The following CACNA1H variants were observed in gnomAD, a reference collection of about 807,000 sequenced individuals.
CACNA1H encodes the protein calcium voltage-gated channel subunit alpha1 H.
In CACNA1H, 149 loss-of-function variants were observed where a neutral mutation model predicts 192.5. That is an observed-to-expected ratio of 0.77 (90% confidence interval 0.68 to 0.89). CACNA1H has a LOEUF of 0.89. Among genes scored for constraint, CACNA1H ranks in the 40% least tolerant of loss-of-function variants. CACNA1H has a pLI of 0.00. For missense variants in CACNA1H, 4,257 were observed against 3,423.5 expected, an observed-to-expected ratio of 1.24 and a Z score of -6.08; for synonymous variants, 2,202 against 1,475.2, an observed-to-expected ratio of 1.49 and a Z score of -11.29.
At chr16:1,211,416 C>T (rs1371091354) in intron 22 of CACNA1H, 65 bp from the exon 23 acceptor site, 10 of 1,608,820 alleles carry the variant, frequency 6.2e-6, no homozygotes, top group Non-Finnish European at 8.5e-6. Flanking sequence ...ACTCGCGCCC[C>T]AGGAAGTCCG....
At chr16:1,198,889 G>A (rs986677365) in intron 6 of CACNA1H, 115 bp downstream of exon 6, 24 of 927,020 alleles carry the variant, frequency 2.6e-5, no homozygotes, top group South Asian at 3.3e-5. Context: ...GCAGTCACCC[G>A]CCCCGCCACT....
At chr16:1,172,098 A>G (rs1964423225) in intron 2 of CACNA1H, among the ~76,000 whole-genome samples, 1 of 151,772 alleles carries the variant, frequency 6.6e-6, no homozygotes, top group South Asian at 2.1e-4. Flanking sequence ...GTCAGACGTC[A>G]CCGGGATGAT....
At chr16:1,196,426 C>T (rs1034920714) in intron 5 of CACNA1H, among the ~76,000 whole-genome samples, 1 of 152,174 alleles carries the variant, frequency 6.6e-6, no homozygotes, top group Non-Finnish European at 1.5e-5. Flanking sequence ...GCTCAGCTCA[C>T]CTGGGGGCTC....
At chr16:1,175,161 C>T (rs962578207) in intron 2 of CACNA1H, among the ~76,000 whole-genome samples, 11 of 151,988 alleles carry the variant, frequency 7.2e-5, no homozygotes, top group Admixed American at 2.6e-4. Flanking sequence ...ACTGTGCGCG[C>T]GGGCCAACGC....
At position 1,173,155 on chromosome 16, in the gene CACNA1H, A is replaced by G. The variant is rs951628447; in HGVS notation, c.299+19119A>G. On this transcript the variant is annotated intron_variant, in intron 2 of 34. Transcript: ENST00000348261. The stretch of plus-strand genomic sequence containing the variant: ...GTTGGAGGTCCTAGCGTGTTTAAGC[A>G]GCTGACGGGCGCGAGGTGGAGGTGT... Among the ~76,000 whole-genome samples the G allele has an allele frequency of 2.0e-5, 3 of 152,148 alleles. No individual in the cohort carries two copies. In the East Asian group the frequency reaches 5.8e-4, roughly 29 times the overall value.
Position 1,196,883 on chromosome 16 carries a change from C to T in CACNA1H, c.643+860C>T, listed in dbSNP as rs955138268. ...CTGCTCTGGTTCCTGGGGGTCGGCGCGGCCCCCACGAGGCCGTACCAGGCG... is the reference window on the plus strand; with the variant it reads ...CTGCTCTGGTTCCTGGGGGTCGGCGTGGCCCCCACGAGGCCGTACCAGGCG... On this transcript the variant is annotated intron_variant, in intron 5 of 34. Coordinates refer to ENST00000348261, the MANE Select transcript of CACNA1H (RefSeq NM_021098.3). Among the ~76,000 whole-genome samples the T allele has an allele frequency of 3.9e-5, 6 of 152,164 alleles. No individual in the cohort carries two copies. The East Asian group carries it at 5.8e-4, about 15-fold the overall frequency.
intron 2 of CACNA1H, among the ~76,000 whole-genome samples, chr16:1,169,951 T>C (rs996295174): frequency 1.3e-5 from 2 of 152,218 alleles, no homozygotes; most frequent in East Asian, 1.9e-4. Flanking sequence ...GTTTGAAATA[T>C]GGCCTGCCCA....
chr16:1,200,222 T>C, intron 6 of CACNA1H, 34 bp from the exon 7 acceptor site: 4 of 1,549,440 alleles, frequency 2.6e-6, no homozygotes, highest in Non-Finnish European at 3.5e-6. Context: ...TGACCCTGAT[T>C]GTACCTTTTG....
intron 32 of CACNA1H, 38 bp from the exon 33 acceptor site, chr16:1,218,172 G>T (rs753759724): frequency 6.5e-7 from 1 of 1,537,658 alleles, no homozygotes; most frequent in South Asian, 1.2e-5. Context: ...ACCCGCGGGT[G>T]GGTGTGGACC....
At chr16:1,212,463 C>T (rs59397926) in intron 25 of CACNA1H, 48 bp from the exon 26 acceptor site, 45 of 1,582,044 alleles carry the variant, frequency 2.8e-5, no homozygotes, top group African/African-American at 4.0e-5. Context: ...GCTCCAGGCC[C>T]GAGTGCGCCA....
chr16:1,168,953 C>T (rs1208220210), intron 2 of CACNA1H, among the ~76,000 whole-genome samples: 1 of 152,124 alleles, frequency 6.6e-6, no homozygotes, highest in African/African-American at 2.4e-5. Context: ...GCCCCCTGCC[C>T]GCCTGGGGTG....
rs1790535131 is a variant in CACNA1H at position 1,204,173 on chromosome 16, A to G, written c.2166A>G (p.Ser722=). The change falls in exon 10 of 35, where the codon TCA becomes TCG. Residue 722 remains serine (S), a synonymous_variant. Coordinates refer to ENST00000348261, the MANE Select transcript of CACNA1H (RefSeq NM_021098.3). The stretch of plus-strand genomic sequence containing the variant: ...TCAGCGGCTCGGAAAGTGGAGACTC[A>G]GATGGCCGTGGCGTCTATGAATTCA... ...GELSGSESGD[S]DGRGVYEFTQ... The G allele has an allele frequency of 3.1e-6, 5 of 1,612,224 alleles. No homozygotes were observed. The highest frequency in any genetic ancestry group is 1.1e-5 in the South Asian group (1 of 91,066).
At chr16:1,201,568 C>T (rs558792237) in intron 8 of CACNA1H, 95 bp from the exon 9 acceptor site, 18 of 1,406,412 alleles carry the variant, frequency 1.3e-5, no homozygotes, top group East Asian at 5.0e-5. Flanking sequence ...GCCTGTGACG[C>T]GGCCCCCACT....
In CACNA1H at chr16:1,200,686, C is replaced by T. The variant is rs780717105; in HGVS notation, c.1120-30C>T. The T allele has an allele frequency of 5.1e-6, 8 of 1,563,356 alleles. 1 individual carries two copies. Among genetic ancestry groups the T allele is most frequent in the South Asian group, 3.5e-5 (3 of 86,674 alleles). On this transcript the variant is annotated intron_variant, in intron 7 of 34. Coordinates refer to ENST00000348261, the MANE Select transcript of CACNA1H (RefSeq NM_021098.3). Reference sequence around the variant, plus strand: ...ACGGGGAGGAGGAGGAGGGGTCGTGCGGGCCCAAGTCAAGCCACTGCCCCC... The same window carrying T: ...ACGGGGAGGAGGAGGAGGGGTCGTGTGGGCCCAAGTCAAGCCACTGCCCCC...
intron 9 of CACNA1H, among the ~76,000 whole-genome samples, chr16:1,202,884 G>T (rs985457824): frequency 3.9e-5 from 6 of 152,108 alleles, no homozygotes; most frequent in Admixed American, 1.3e-4. Flanking sequence ...GGGGGAGTGT[G>T]GGGGAGGCAC....
chr16:1,166,589 C>T (rs1310803593), intron 2 of CACNA1H, among the ~76,000 whole-genome samples: 1 of 152,126 alleles, frequency 6.6e-6, no homozygotes, highest in African/African-American at 2.4e-5. Flanking sequence ...CTTTCCTCGC[C>T]CCGAGAGGAA....
At chr16:1,155,049 G>A (rs543531098) in intron 2 of CACNA1H, among the ~76,000 whole-genome samples, 1 of 152,240 alleles carries the variant, frequency 6.6e-6, no homozygotes, top group African/African-American at 2.4e-5. Flanking sequence ...AGACAGGCTG[G>A]CAGCAGGAGC....
At chr16:1,195,631 T>G in intron 4 of CACNA1H, 66 bp downstream of exon 4, 1 of 1,453,886 alleles carries the variant, frequency 6.9e-7, no homozygotes, top group Non-Finnish European at 9.3e-7. Context: ...CAGGGATCCC[T>G]GTGTCCCACC....
chr16:1,196,211 G>C (rs3738077), intron 5 of CACNA1H, among the ~76,000 whole-genome samples, 188 bp downstream of exon 5: 3 of 152,258 alleles, frequency 2.0e-5, no homozygotes, highest in Non-Finnish European at 4.4e-5. Flanking sequence ...CATGTCAGGG[G>C]AGAATCAAGC....
Sources: gnomAD v4.1 joint callset for allele counts (sites outside exome capture counted in the v4.1 genomes callset) on GRCh38, gnomAD v4.1.1 for gene constraint, MANE v1.5 for transcripts, NCBI Gene and HGNC (gene_info 2026-07-23, HGNC 2026-07-21) for gene names.